Variants in PRRC2C observed in about 807,000 individuals in gnomAD.
The protein encoded by PRRC2C is proline rich coiled-coil 2C.
In PRRC2C, 72 loss-of-function variants were observed where a neutral mutation model predicts 317.2. That is an observed-to-expected ratio of 0.23 (90% CI 0.19 to 0.28). PRRC2C has a LOEUF of 0.28. PRRC2C is among the 10% of genes least tolerant of loss of function. The pLI is 1.00. For missense variants in PRRC2C, 3,074 were observed against 3,459.7 expected, an observed-to-expected ratio of 0.89 and a Z score of 2.80; for synonymous variants, 1,296 against 1,205.9, an observed-to-expected ratio of 1.07 and a Z score of -1.55.
rs1201642653 is a variant in PRRC2C, at chr1:171,541,851, C to A, written c.4385C>A (p.Thr1462Lys). 1 of 1,613,704 alleles carries A rather than the reference C, an allele frequency of 6.2e-7. No homozygotes were observed. Among genetic ancestry groups the A allele is most frequent in the Non-Finnish European group, 8.5e-7 (1 of 1,179,888 alleles). The change falls in exon 16 of 35, where the codon ACA becomes AAA. Residue 1462 changes from threonine to lysine, a missense_variant. Physicochemically the swap from Thr to Lys is moderately conservative, Grantham distance 78. Around this residue, in one of 11 missense-constraint regions of PRRC2C, gnomAD observed 1,320 missense variants for 1,395.7 expected, o/e 0.95. Transcript: ENST00000647382. This position sits in a 1 kb window ranked among gnomAD's most constrained non-coding sequence, Gnocchi z 4.1. ...GTGGTAGCAGTGCCCACAAATGGCA[C>A]AGTTAATAATGTGGCTCAAGAACCA... ...NEVVAVPTNGTVNNVAQEPVN... is the reference protein window; with the variant it reads ...NEVVAVPTNGKVNNVAQEPVN...
chr1:171,536,583 G>A (rs1422636136), intron 14 of PRRC2C, among the ~76,000 whole-genome samples: 1 of 152,020 alleles, frequency 6.6e-6, no homozygotes, highest in Non-Finnish European at 1.5e-5. Context: ...AGTGTTTTCA[G>A]CGTTTGAATT....
At chr1:171,544,111 CTTTT>C (rs1014313880) in intron 16 of PRRC2C, among the ~76,000 whole-genome samples, 3 of 147,178 alleles carry the variant, frequency 2.0e-5, no homozygotes, top group African/African-American at 7.4e-5. Flanking sequence ...AACACATGAA[CTTTT>C]TTTTTTTTAT....
chr1:171,544,672 T>G (rs1297424805), intron 16 of PRRC2C, among the ~76,000 whole-genome samples: 4 of 152,188 alleles, frequency 2.6e-5, no homozygotes, highest in Non-Finnish European at 4.4e-5. Flanking sequence ...GTAGCAAGAT[T>G]TTTGTGCCAC....
chr1:171,496,774 C>CGTGTGTGT (rs71688813), intron 1 of PRRC2C, among the ~76,000 whole-genome samples: 5,059 of 146,812 alleles, frequency 0.034, 121 homozygotes, highest in African/African-American at 0.077. Flanking sequence ...ACATTTGGGG[C>CGTGTGTGT]GTGTGTGTGT....
rs766175434 is a variant in PRRC2C at position 171,513,083 on chromosome 1, A to C, written c.201A>C (p.Ala67=). ...PPPANLPSLK[A]ENKGNDPNVN... Reference sequence around the variant, plus strand: ...CTGCTAACCTCCCAAGTCTTAAAGCAGAAAACAAAGGCAATGATCCTAATG... The same window carrying C: ...CTGCTAACCTCCCAAGTCTTAAAGCCGAAAACAAAGGCAATGATCCTAATG... The change falls in exon 3 of 35, where the codon GCA becomes GCC. Residue 67 remains alanine (A), a synonymous_variant. Coordinates refer to ENST00000647382, the MANE Select transcript of PRRC2C (RefSeq NM_001387844.1). 9 of 1,613,774 alleles carry C rather than the reference A, an allele frequency of 5.6e-6. No individual in the cohort carries two copies. The highest frequency in any genetic ancestry group is 4.5e-5 in the East Asian group (2 of 44,880).
chr1:171,537,327 G>A lies in PRRC2C; in HGVS notation c.2358G>A (p.Glu786=), dbSNP rs958820241. The A allele has an allele frequency of 3.1e-6, 5 of 1,600,162 alleles. No individual in the cohort carries two copies. Among genetic ancestry groups the A allele is most frequent in the Non-Finnish European group, 4.3e-6 (5 of 1,172,720 alleles). ...TGGAAGGGTCACCGAACAGTTCTGA[G>A]TCATTTGAGCATATAGCTCGATCTG... is the stretch of plus-strand genomic sequence containing the variant. ...DQMEGSPNSS[E]SFEHIARSAR... Residue 786 remains glutamate (E), a synonymous_variant, in exon 15 of 35, where the codon GAG becomes GAA. Transcript: ENST00000647382.
chr1:171,548,695 A>G (rs1044006741), intron 17 of PRRC2C, among the ~76,000 whole-genome samples: 1 of 152,140 alleles, frequency 6.6e-6, no homozygotes, highest in Non-Finnish European at 1.5e-5. Flanking sequence ...ACTGACTGGG[A>G]TATAGGGTAA....
At chr1:171,526,803 A>ATTTTTTTTTTTTTTT (rs1557918055) in intron 10 of PRRC2C, among the ~76,000 whole-genome samples, 49 of 85,758 alleles carry the variant, frequency 5.7e-4, no homozygotes, top group South Asian at 1.8e-3. Context: ...TCAGAAATAT[A>ATTTTTTTTTTTTTTT]TCTTTTTTTT....
At chr1:171,549,991 T>G in intron 17 of PRRC2C, 95 bp from the exon 18 acceptor site, 1 of 271,794 alleles carries the variant, frequency 3.7e-6, no homozygotes, top group Non-Finnish European at 4.6e-6. Flanking sequence ...TTTGGCTAGT[T>G]TTTTTTTTTT....
intron 1 of PRRC2C, among the ~76,000 whole-genome samples, chr1:171,494,393 G>A (rs192102796): frequency 1.5e-3 from 225 of 152,068 alleles, no homozygotes; most frequent in East Asian, 0.012. Flanking sequence ...TGTTTTTGCC[G>A]AACTGCTATT....
At chr1:171,519,741 T>G (rs970798906) in intron 6 of PRRC2C, among the ~76,000 whole-genome samples, 4 of 152,232 alleles carry the variant, frequency 2.6e-5, no homozygotes, top group Admixed American at 2.0e-4. Context: ...TTATTTAGTT[T>G]GTTGTTTAAC....
At chr1:171,582,180 A>G (rs1375349189) in intron 28 of PRRC2C, among the ~76,000 whole-genome samples, 2 of 152,216 alleles carry the variant, frequency 1.3e-5, no homozygotes, top group South Asian at 2.1e-4. Context: ...TATTGGGGCT[A>G]TGAATTAGAA....
At position 171,585,584 on chromosome 1, in the gene PRRC2C, T is replaced by TTA. The variant is rs1170785401; in HGVS notation, c.7749+1058_7749+1059insTA. ...AACTGAGAGATTCTTGTTCTTCTCA[T>TTA]AGCTCATTTTGACCAGCCTTGAAAG... is the stretch of plus-strand genomic sequence containing the variant. On this transcript the variant is annotated intron_variant, in intron 30 of 34. Coordinates refer to ENST00000647382, the MANE Select transcript of PRRC2C (RefSeq NM_001387844.1). Among the ~76,000 whole-genome samples the TTA allele has an allele frequency of 5.5e-3, 844 of 152,338 alleles. 9 individuals carry two copies. Among genetic ancestry groups the TTA allele is most frequent in the Non-Finnish European group, 9.2e-3 (624 of 68,020 alleles).
Position 171,524,698 on chromosome 1 carries a change from C to T in PRRC2C, c.1056-123C>T, listed in dbSNP as rs967351322. On this transcript the variant is annotated intron_variant, in intron 9 of 34. Coordinates refer to ENST00000647382, the MANE Select transcript of PRRC2C (RefSeq NM_001387844.1). ...GCACTAATGGGTCACACACCCATCT[C>T]ATTCCTTAATACATTTCCCCCCCCA... 1.3e-5 allele frequency: 13 copies of T among 995,662 alleles called. No individual in the cohort carries two copies. In the African/African-American group the frequency reaches 1.7e-4, roughly 13 times the overall value. 61.7% of individuals were successfully genotyped at this position (995,662 alleles called of 1,614,324 possible).
Position 171,537,412 on chromosome 1 carries a change from CCTCATG to C in PRRC2C, c.2446_2451del (p.His816_Ala817del). Reference sequence around the variant, plus strand: ...TATGCTGTGGGGGTCAGATCCCTATCCTCATGCTGAGCCTCAACAAGCAACTACTCC... The same window carrying C: ...TATGCTGTGGGGGTCAGATCCCTATCCTGAGCCTCAACAAGCAACTACTCC... On this transcript the variant is annotated inframe_deletion, in exon 15 of 35. Coordinates refer to ENST00000647382, the MANE Select transcript of PRRC2C (RefSeq NM_001387844.1). The C allele has an allele frequency of 6.3e-7, 1 of 1,589,418 alleles. No individual in the cohort carries two copies. The highest frequency in any genetic ancestry group is 8.6e-7 in the Non-Finnish European group (1 of 1,167,068).
At chr1:171,506,959 C>A (rs1670373345) in intron 1 of PRRC2C, among the ~76,000 whole-genome samples, 1 of 152,102 alleles carries the variant, frequency 6.6e-6, no homozygotes, top group African/African-American at 2.4e-5. Flanking sequence ...TAACTTCTAA[C>A]ATTTTTGTCC....
At chr1:171,539,848 G>A (rs1464720630) in intron 15 of PRRC2C, 123 bp from the exon 16 acceptor site, 1 of 884,654 alleles carries the variant, frequency 1.1e-6, no homozygotes, top group East Asian at 2.5e-5. Flanking sequence ...TATATAGCGA[G>A]AGAAAGATTC....
chr1:171,531,696 T>G (rs1373077426), intron 11 of PRRC2C, among the ~76,000 whole-genome samples: 1 of 152,250 alleles, frequency 6.6e-6, no homozygotes, highest in Admixed American at 6.5e-5. Flanking sequence ...AATGAAAATT[T>G]AGTCATTGAA....
At chr1:171,534,419 T>C (rs1284419877) in intron 12 of PRRC2C, among the ~76,000 whole-genome samples, 2 of 152,228 alleles carry the variant, frequency 1.3e-5, no homozygotes, top group African/African-American at 4.8e-5. Context: ...TTCTCTCTCA[T>C]GGCAATTTAA....
Sources: gnomAD v4.1 joint callset for allele counts (sites outside exome capture counted in the v4.1 genomes callset) on GRCh38, gnomAD v4.1.1 for gene constraint, gnomAD v4.1.1 regional missense constraint, Gnocchi (gnomAD v3.1) non-coding constraint, MANE v1.5 for transcripts, NCBI Gene and HGNC (gene_info 2026-07-23, HGNC 2026-07-21) for gene names.